ARFGEF2: variants seen among roughly 807,000 people sequenced by gnomAD.
ARFGEF2 encodes the protein brefeldin A-inhibited guanine nucleotide-exchange protein 2.
Under a neutral mutation model 219.9 loss-of-function variants are expected in ARFGEF2, and 74 were observed. The observed-to-expected ratio is 0.34, with a 90% CI of 0.28 to 0.41. The LOEUF is 0.41. Ranked by LOEUF, ARFGEF2 falls within the 10% of genes least tolerant of loss-of-function variation. The probability of loss-of-function intolerance (pLI) is 1.00; values close to 1 mark genes in which losing one functional copy is unlikely to be tolerated. For missense variants in ARFGEF2, 1,743 were observed against 2,218.3 expected (o/e 0.79, Z 4.30); for synonymous variants, 733 against 799.2 (o/e 0.92, Z 1.40).
Position 48,976,063 on chromosome 20 carries a change from G to C in ARFGEF2, c.1822G>C (p.Asp608His), listed in dbSNP as rs202211324. The change falls in exon 14 of 39, where the codon GAC (aspartate) becomes CAC (histidine). Residue 608 changes from aspartate to histidine, a missense_variant. Asp to His is a moderately conservative substitution (Grantham distance 81). Around this residue, in one of 5 missense-constraint regions of ARFGEF2, gnomAD observed 666 missense variants for 955.4 expected, o/e 0.70. Transcript: ENST00000371917. ...GGAAATAGGGGATGGGAAAGGCCTT[G>C]ACATGGCAAGACGGTGTAGTGTGAC... Reference protein sequence around the residue: ...DQEIGDGKGLDMARRCSVTSM... With the variant: ...DQEIGDGKGLHMARRCSVTSM... 17 of 1,612,862 alleles carry C rather than the reference G, an allele frequency of 1.1e-5. No individual in the cohort carries two copies. The highest frequency in any genetic ancestry group is 1.9e-4 in the Middle Eastern group (1 of 5,156).
chr20:49,003,197 G>A (rs1464565927), intron 25 of ARFGEF2, among the ~76,000 whole-genome samples: 2 of 144,302 alleles, frequency 1.4e-5, no homozygotes, highest in East Asian at 2.2e-4. Context: ...TGAACTCCTG[G>A]CCTCAGGTGA....
intron 22 of ARFGEF2, among the ~76,000 whole-genome samples, 163 bp downstream of exon 22, chr20:48,994,761 GT>G (rs1456894779): frequency 6.6e-6 from 1 of 152,194 alleles, no homozygotes; most frequent in Non-Finnish European, 1.5e-5. Context: ...CCTCTTAATT[GT>G]GATTAAACTG....
At chr20:48,990,128 G>A (rs1428231972) in intron 20 of ARFGEF2, among the ~76,000 whole-genome samples, 4 of 152,106 alleles carry the variant, frequency 2.6e-5, no homozygotes, top group African/African-American at 4.8e-5. Context: ...GCGGTGAGCC[G>A]AGATCGCGCC....
chr20:48,943,849 G>C (rs925067460), intron 3 of ARFGEF2, among the ~76,000 whole-genome samples: 3 of 152,202 alleles, frequency 2.0e-5, no homozygotes, highest in Non-Finnish European at 1.5e-5. Context: ...TCTAGAACAG[G>C]AATGGTGACC....
chr20:49,010,147 T>A, intron 26 of ARFGEF2, 85 bp from the exon 27 acceptor site: 1 of 1,504,054 alleles, frequency 6.6e-7, no homozygotes, highest in Non-Finnish European at 9.0e-7. Context: ...AATGTTTAAG[T>A]GCTGCTTCTA....
At chr20:48,928,582 C>T (rs1308073322) in intron 1 of ARFGEF2, among the ~76,000 whole-genome samples, 2 of 149,824 alleles carry the variant, frequency 1.3e-5, no homozygotes, top group Non-Finnish European at 3.0e-5. Flanking sequence ...GCAAGCTCTG[C>T]CTCCTGGGTT....
In ARFGEF2 at chr20:49,032,904, A is replaced by C. The variant is rs1232316990; in HGVS notation, c.5182-119A>C. On this transcript the variant is annotated intron_variant, in intron 38 of 38. Transcript: ENST00000371917. Reference sequence around the variant, plus strand: ...CACTGCGCTCGGCCCCAACTTTCTAATAGCAAGAAAAGCACCAATATTGTA... The same window carrying C: ...CACTGCGCTCGGCCCCAACTTTCTACTAGCAAGAAAAGCACCAATATTGTA... 4 of 1,050,822 alleles carry C rather than the reference A, an allele frequency of 3.8e-6. No individual in the cohort carries two copies. In the South Asian group the frequency reaches 4.1e-5, roughly 11 times the overall value. The allele number at this position is 1,050,822 out of a possible 1,614,324, so 65.1% of individuals were successfully genotyped here. A position where few individuals can be genotyped will look rare whatever the true frequency, so the allele number is the denominator to read the frequency against.
intron 6 of ARFGEF2, among the ~76,000 whole-genome samples, chr20:48,961,269 A>G (rs1223503828): frequency 1.3e-5 from 2 of 151,842 alleles, no homozygotes; most frequent in African/African-American, 4.8e-5. Flanking sequence ...TTCTTATTCT[A>G]TACTTTTTTT....
At chr20:49,023,533 T>TG (rs1228647634) in intron 35 of ARFGEF2, among the ~76,000 whole-genome samples, 3 of 63,482 alleles carry the variant, frequency 4.7e-5, no homozygotes, top group African/African-American at 3.3e-4. Flanking sequence ...GTTTTTTTTT[T>TG]TTTGTTTTTT....
Position 49,021,461 on chromosome 20 carries a change from G to A in ARFGEF2, c.4625-1590G>A, listed in dbSNP as rs1346336440. Among the ~76,000 whole-genome samples, 3 of 152,070 alleles carry A rather than the reference G, an allele frequency of 2.0e-5. No individual in the cohort carries two copies. The East Asian group carries it at 5.8e-4, about 29-fold the overall frequency. On this transcript the variant is annotated intron_variant, in intron 34 of 38. Coordinates refer to ENST00000371917, the MANE Select transcript of ARFGEF2 (RefSeq NM_006420.3). ...TGTATTTGACATGGGCCACCCTTGGGCCCTCAGGGATTGAGAACACAAAGA... is the reference window on the plus strand; with the variant it reads ...TGTATTTGACATGGGCCACCCTTGGACCCTCAGGGATTGAGAACACAAAGA...
intron 36 of ARFGEF2, among the ~76,000 whole-genome samples, chr20:49,027,488 G>C (rs757922324): frequency 9.9e-5 from 15 of 152,240 alleles, no homozygotes; most frequent in Non-Finnish European, 1.9e-4. Context: ...CTTAAAGTCA[G>C]GGGTTCAAGA....
intron 1 of ARFGEF2, among the ~76,000 whole-genome samples, chr20:48,936,510 A>G (rs190579121): frequency 2.0e-5 from 3 of 148,068 alleles, no homozygotes; most frequent in Admixed American, 1.3e-4. Context: ...GTTGCCGGGC[A>G]GAGGGTCTCC....
chr20:48,942,937 T>C lies in ARFGEF2; in HGVS notation c.276+950T>C, dbSNP rs114085951. 3.5e-3 allele frequency among the ~76,000 whole-genome samples: 529 copies of C among 152,268 alleles called. 3 individuals are homozygous for C. Among genetic ancestry groups the C allele is most frequent in the African/African-American group, 0.012 (510 of 41,538 alleles). ...ATATCTATTGTTGATGCATTAACAT[T>C]GAACTCAGGGGCCACGGTGCTATAA... On this transcript the variant is annotated intron_variant, in intron 3 of 38. Transcript: ENST00000371917.
rs777746716 is a variant in ARFGEF2, at chr20:48,994,611, G to A, written c.3121+13G>A. The A allele has an allele frequency of 1.5e-5, 25 of 1,613,078 alleles. No individual in the cohort carries two copies. Among genetic ancestry groups the A allele is most frequent in the Non-Finnish European group, 1.9e-5 (23 of 1,179,950 alleles). On this transcript the variant is annotated intron_variant, in intron 22 of 38. Transcript: ENST00000371917. ...GGCCTTGGCCTCGGTAAGACACCAGGCCCCACAGCTAACAGTCACGGATTT... is the reference window on the plus strand; with the variant it reads ...GGCCTTGGCCTCGGTAAGACACCAGACCCCACAGCTAACAGTCACGGATTT...
Position 49,032,053 on chromosome 20 carries a change from T to G in ARFGEF2, c.5068T>G (p.Cys1690Gly), listed in dbSNP as rs148821408. The G allele has an allele frequency of 3.2e-5, 52 of 1,611,586 alleles. No individual in the cohort carries two copies. In the African/African-American group the frequency reaches 5.5e-4, roughly 17 times the overall value. The change falls in exon 38 of 39, where the codon TGC becomes GGC. Residue 1690 changes from cysteine (C) to glycine (G), a missense_variant. Cys to Gly is a radical substitution (Grantham distance 159, BLOSUM62 -3). Coordinates refer to ENST00000371917, the MANE Select transcript of ARFGEF2 (RefSeq NM_006420.3). Reference protein sequence around the residue: ...EEIQQRLLTVCSEALAYFITV... With the variant: ...EEIQQRLLTVGSEALAYFITV... ...CCCCCTCTCTAATTCTTCTAGTGTT[T>G]GCAGTGAAGCTCTTGCCTATTTCAT... is the stretch of plus-strand genomic sequence containing the variant.
chr20:48,952,426 T>A (rs2091076906), intron 4 of ARFGEF2, among the ~76,000 whole-genome samples: 2 of 152,152 alleles, frequency 1.3e-5, no homozygotes, highest in Admixed American at 1.3e-4. Flanking sequence ...GTTTGGCTTT[T>A]TAAAAAGTGA....
intron 6 of ARFGEF2, among the ~76,000 whole-genome samples, chr20:48,958,309 A>G (rs2091117381): frequency 6.6e-6 from 1 of 152,166 alleles, no homozygotes; most frequent in Non-Finnish European, 1.5e-5. Flanking sequence ...TGGGGAGGTT[A>G]AGTAACTTAA....
At chr20:49,024,979 G>A (rs952373896) in intron 35 of ARFGEF2, among the ~76,000 whole-genome samples, 1 of 152,174 alleles carries the variant, frequency 6.6e-6, no homozygotes, top group African/African-American at 2.4e-5. Context: ...CTGGGCGACA[G>A]AAACTCTTGT....
Position 48,988,373 on chromosome 20 carries a change from C to T in ARFGEF2, c.2346C>T (p.Asp782=), listed in dbSNP as rs2123459423. ...LAYSIIMLTT[D]LHSPQVKNKM... is the part of the protein sequence containing the mutation. ...ATTCAATTATTATGCTGACTACAGA[C>T]TTGCACAGTCCTCAGGTAAAGCACT... Residue 782 remains aspartate (D), a synonymous_variant, in exon 17 of 39, where the codon GAC becomes GAT. Coordinates refer to ENST00000371917, the MANE Select transcript of ARFGEF2 (RefSeq NM_006420.3). 2.5e-6 allele frequency: 4 copies of T among 1,613,690 alleles called. No homozygotes were observed. The highest frequency in any genetic ancestry group is 3.4e-6 in the Non-Finnish European group (4 of 1,179,950).
Sources: allele counts gnomAD v4.1 joint callset (sites outside exome capture counted in the v4.1 genomes callset), GRCh38; gene constraint gnomAD v4.1.1; regional missense constraint gnomAD v4.1.1; transcripts MANE v1.5; gene names NCBI Gene and HGNC (gene_info 2026-07-23, HGNC 2026-07-21).